The following SNX29 variants were observed in gnomAD, a reference collection of about 807,000 sequenced individuals.
SNX29 encodes the protein sorting nexin 29, also known as sorting nexin-29.
In SNX29, 78 loss-of-function variants were observed where a neutral mutation model predicts 102.1. The ratio of observed to expected loss-of-function variants is 0.76; its 90% confidence interval spans 0.64 to 0.92. The LOEUF (loss-of-function observed/expected upper bound fraction) is 0.92. Ranked by LOEUF, SNX29 falls within the 40% of genes least tolerant of loss-of-function variation. SNX29 has a pLI of 0.00. For synonymous variants in SNX29, 580 were observed against 414.5 expected (o/e 1.40, Z -4.85); for missense variants, 1,280 against 1,061.7 (o/e 1.21, Z -2.86).
chr16:12,212,108 G>T (rs1453660618), intron 14 of SNX29, among the ~76,000 whole-genome samples: 1 of 152,174 alleles, frequency 6.6e-6, no homozygotes, highest in South Asian at 2.1e-4. Flanking sequence ...GGCCTCGGTG[G>T]TGGTGTGTGA....
chr16:12,489,994 T>C (rs1036043751), intron 19 of SNX29, among the ~76,000 whole-genome samples: 7 of 152,138 alleles, frequency 4.6e-5, no homozygotes, highest in African/African-American at 1.7e-4. Context: ...TTAGTAGAGA[T>C]GGGGTTTCTC....
At chr16:12,450,757 G>A (rs1217859162) in intron 18 of SNX29, among the ~76,000 whole-genome samples, 2 of 152,152 alleles carry the variant, frequency 1.3e-5, no homozygotes, top group Non-Finnish European at 1.5e-5. Context: ...GGAGTGACAT[G>A]GTATGATTGG....
At chr16:12,410,902 C>T (rs1034367506) in intron 18 of SNX29, among the ~76,000 whole-genome samples, 3 of 152,210 alleles carry the variant, frequency 2.0e-5, no homozygotes, top group African/African-American at 7.2e-5. Context: ...TTGCGTTTCT[C>T]AGCTCTTCCT....
chr16:12,569,945 G>A lies in SNX29; in HGVS notation c.*1316G>A, dbSNP rs967481173. 5.6e-5 allele frequency: 13 copies of A among 233,666 alleles called. No homozygotes were observed. The highest frequency in any genetic ancestry group is 2.4e-4 in the African/African-American group (11 of 45,290). The allele number at this position is 233,666 out of a possible 1,614,324, so 14.5% of individuals were successfully genotyped here. ...ACCTGAGGAGAAAAGCAGGTGGAAG[G>A]TGACGGTTAGATGGTAAGCCATGGG... is the stretch of plus-strand genomic sequence containing the variant. On this transcript the variant is annotated 3_prime_UTR_variant, in exon 21 of 21. Transcript: ENST00000566228.
rs1454578092 is a variant in SNX29, at chr16:12,476,373, A to T, written c.2038-1346A>T. On this transcript the variant is annotated intron_variant, in intron 18 of 20. Transcript: ENST00000566228. ...TCTCAAAAAAAAAAAAAAAAAAAAA[A>T]AAAAAAAAAAATATATATATATATA... is the stretch of plus-strand genomic sequence containing the variant. Among the ~76,000 whole-genome samples, 21 of 27,236 alleles carry T rather than the reference A, an allele frequency of 7.7e-4. 1 individual carries two copies. Among genetic ancestry groups the T allele is most frequent in the Admixed American group, 6.9e-3 (10 of 1,458 alleles). 17.9% of individuals were successfully genotyped at this position (27,236 alleles called of 152,430 possible). A position where few individuals can be genotyped will look rare whatever the true frequency, so the allele number is the denominator to read the frequency against.
chr16:12,406,189 A>G (rs1260532425), intron 18 of SNX29, among the ~76,000 whole-genome samples: 1 of 152,084 alleles, frequency 6.6e-6, no homozygotes, highest in Non-Finnish European at 1.5e-5. Context: ...AGCGGAAAGC[A>G]TATATATGTG....
chr16:12,488,312 A>T (rs1310777302), intron 19 of SNX29, among the ~76,000 whole-genome samples: 1 of 151,934 alleles, frequency 6.6e-6, no homozygotes, highest in Non-Finnish European at 1.5e-5. Context: ...CCCACCCTCC[A>T]TTGTGGCCTT....
chr16:12,086,448 T>C (rs568833416), intron 11 of SNX29, among the ~76,000 whole-genome samples: 63 of 152,232 alleles, frequency 4.1e-4, no homozygotes, highest in African/African-American at 1.5e-3. Flanking sequence ...AGGGTCTCTG[T>C]TGCCCAGGCT....
intron 2 of SNX29, 79 bp from the exon 3 acceptor site, chr16:12,002,912 A>G: frequency 2.6e-6 from 4 of 1,551,194 alleles, no homozygotes; most frequent in Non-Finnish European, 3.6e-6. Context: ...CTGACCCTTA[A>G]GCCCTGTGTA....
At chr16:12,091,977 A>G (rs895626891) in intron 11 of SNX29, among the ~76,000 whole-genome samples, 1 of 152,110 alleles carries the variant, frequency 6.6e-6, no homozygotes, top group Non-Finnish European at 1.5e-5. Flanking sequence ...CACCGGGTCC[A>G]TGGTGTTTTG....
intron 18 of SNX29, among the ~76,000 whole-genome samples, chr16:12,425,318 A>C (rs942610407): frequency 6.6e-6 from 1 of 152,042 alleles, no homozygotes; most frequent in African/African-American, 2.4e-5. Context: ...GGGTTAAGCA[A>C]ATTGAAACTG....
chr16:12,450,654 A>C (rs142789085), intron 18 of SNX29, among the ~76,000 whole-genome samples: 29 of 152,292 alleles, frequency 1.9e-4, no homozygotes, highest in African/African-American at 6.7e-4. Context: ...AGAGGGTGCA[A>C]TATGAACCAG....
intron 20 of SNX29, among the ~76,000 whole-genome samples, chr16:12,551,045 C>T (rs1205332117): frequency 1.3e-5 from 2 of 152,082 alleles, no homozygotes; most frequent in Non-Finnish European, 2.9e-5. Context: ...AGGTGTCATC[C>T]AGATGAAGGA....
chr16:12,021,767 C>A (rs1163524678), intron 3 of SNX29, among the ~76,000 whole-genome samples: 1 of 151,932 alleles, frequency 6.6e-6, no homozygotes. Flanking sequence ...TGGCCCGTGG[C>A]TGTAATCCCA....
intron 19 of SNX29, among the ~76,000 whole-genome samples, chr16:12,499,455 G>A (rs1199014129): frequency 1.3e-5 from 2 of 152,190 alleles, no homozygotes; most frequent in African/African-American, 2.4e-5. Context: ...GTAAAATGAA[G>A]GCGTCTTGGG....
intron 8 of SNX29, 149 bp downstream of exon 8, chr16:12,052,371 C>T (rs2050344664): frequency 1.3e-6 from 1 of 771,380 alleles, no homozygotes; most frequent in East Asian, 3.0e-5. Flanking sequence ...CACCTGTCAC[C>T]ACACCCAGCT....
At chr16:12,088,259 C>T (rs568689918) in intron 11 of SNX29, 12 of 384,408 alleles carry the variant, frequency 3.1e-5, no homozygotes, top group Non-Finnish European at 4.7e-5. Context: ...GCAGCGGGAC[C>T]GGCTCTGCGG....
intron 15 of SNX29, among the ~76,000 whole-genome samples, chr16:12,329,993 A>G (rs781232657): frequency 3.9e-5 from 6 of 152,228 alleles, no homozygotes; most frequent in Non-Finnish European, 7.3e-5. Flanking sequence ...CTGAGACACT[A>G]TCCTGATGGG....
Position 12,169,593 on chromosome 16 carries a change from C to G in SNX29, c.1596-30008C>G, listed in dbSNP as rs539508913. Among the ~76,000 whole-genome samples, 5 of 152,020 alleles carry G rather than the reference C, an allele frequency of 3.3e-5. No individual in the cohort carries two copies. The East Asian group carries it at 9.7e-4, about 30-fold the overall frequency. Reference sequence around the variant, plus strand: ...ATGCATTCATGGCCAGGCGTTGTGGCTCACGCCTGTAATCCCAGCACTCTG... The same window carrying G: ...ATGCATTCATGGCCAGGCGTTGTGGGTCACGCCTGTAATCCCAGCACTCTG... On this transcript the variant is annotated intron_variant, in intron 13 of 20. Coordinates refer to ENST00000566228, the MANE Select transcript of SNX29 (RefSeq NM_032167.5).
Sources: allele counts gnomAD v4.1 joint callset (sites outside exome capture counted in the v4.1 genomes callset), GRCh38; gene constraint gnomAD v4.1.1; transcripts MANE v1.5; gene names NCBI Gene and HGNC (gene_info 2026-07-23, HGNC 2026-07-21).